The following RTN4IP1 variants were observed in gnomAD, a reference collection of about 807,000 sequenced individuals.
RTN4IP1 encodes reticulon 4 interacting protein 1, also known as NAD(P)H oxidoreductase RTN4IP1, mitochondrial.
Under a neutral mutation model 46.6 loss-of-function variants are expected in RTN4IP1, and 32 were observed. The observed-to-expected ratio is 0.69, with a 90% confidence interval of 0.52 to 0.92. RTN4IP1 has a LOEUF of 0.92. Ranked by LOEUF, RTN4IP1 falls within the 40% of genes least tolerant of loss-of-function variation. The pLI is 0.00. For missense variants in RTN4IP1, 424 were observed against 485.8 expected, an observed-to-expected ratio of 0.87 and a Z score of 1.20; for synonymous variants, 167 against 161.8, an observed-to-expected ratio of 1.03 and a Z score of -0.24.
In RTN4IP1 at chr6:106,602,807, T is replaced by C. The variant is rs1273647173; in HGVS notation, c.669+67A>G. 22 of 1,081,682 alleles carry C rather than the reference T, an allele frequency of 2.0e-5. No homozygotes were observed. In the East Asian group the frequency reaches 4.1e-4, roughly 20 times the overall value. The allele number at this position is 1,081,682 out of a possible 1,614,324, so 67.0% of individuals were successfully genotyped here. ...TCTCTCAGCTTTTAAGGAGAAATAA[T>C]GTATCTTAATTTATAAATTCATGCA... On this transcript the variant is annotated intron_variant, in intron 5 of 8. Transcript: ENST00000369063.
chr6:106,591,571 C>A (rs566726040), intron 6 of RTN4IP1, among the ~76,000 whole-genome samples: 4 of 152,146 alleles, frequency 2.6e-5, no homozygotes, highest in Non-Finnish European at 4.4e-5. Context: ...CTGCTCTCAG[C>A]TTCAGCTTGG....
intron 8 of RTN4IP1, 38 bp from the exon 9 acceptor site, chr6:106,572,141 C>G: frequency 2.0e-6 from 3 of 1,494,068 alleles, no homozygotes; most frequent in Non-Finnish European, 1.9e-6. Flanking sequence ...GATAAAAAAG[C>G]CTACATCTTT....
At chr6:106,606,432 T>G (rs900074013) in intron 4 of RTN4IP1, among the ~76,000 whole-genome samples, 3 of 152,010 alleles carry the variant, frequency 2.0e-5, no homozygotes, top group African/African-American at 7.2e-5. Flanking sequence ...AAAAGAAATT[T>G]TTTTAAATAA....
intron 6 of RTN4IP1, among the ~76,000 whole-genome samples, chr6:106,590,468 G>A (rs79342995): frequency 0.033 from 5,028 of 152,050 alleles, 274 homozygotes; most frequent in East Asian, 0.2. Context: ...TGTAATCCCA[G>A]CACTTTGCAA....
At position 106,599,836 on chromosome 6, in the gene RTN4IP1, C is replaced by T. The variant is rs1446362799; in HGVS notation, c.669+3038G>A. Among the ~76,000 whole-genome samples, 443 of 117,150 alleles carry T rather than the reference C, an allele frequency of 3.8e-3. 5 individuals carry two copies. The highest frequency in any genetic ancestry group is 0.012 in the African/African-American group (426 of 35,978). 76.9% of individuals were successfully genotyped at this position (117,150 alleles called of 152,430 possible). A position where few individuals can be genotyped will look rare whatever the true frequency, so the allele number is the denominator to read the frequency against. ...CTAAAATAGGAATTCTTGTGCTGTC[C>T]TTTTTTTTTTTTTTAGAAATTTTAC... On this transcript the variant is annotated intron_variant, in intron 5 of 8. Coordinates refer to ENST00000369063, the MANE Select transcript of RTN4IP1 (RefSeq NM_032730.5).
chr6:106,583,548 T>G, intron 7 of RTN4IP1, 128 bp from the exon 8 acceptor site: 1 of 692,260 alleles, frequency 1.4e-6, no homozygotes. Flanking sequence ...TGACAAAATG[T>G]GTGCACAGCA....
At chr6:106,586,102 G>A (rs767466934) in intron 7 of RTN4IP1, among the ~76,000 whole-genome samples, 13 of 152,116 alleles carry the variant, frequency 8.5e-5, no homozygotes, top group South Asian at 2.1e-4. Context: ...GAATTGAGTC[G>A]TGGTCTCCTC....
At chr6:106,588,371 C>T (rs1229227943) in intron 6 of RTN4IP1, among the ~76,000 whole-genome samples, 4 of 152,206 alleles carry the variant, frequency 2.6e-5, no homozygotes, top group East Asian at 1.9e-4. Context: ...TTTTCACCTA[C>T]AAGAATGATT....
intron 5 of RTN4IP1, among the ~76,000 whole-genome samples, chr6:106,602,480 T>A (rs551465117): frequency 6.6e-6 from 1 of 152,304 alleles, no homozygotes; most frequent in Non-Finnish European, 1.5e-5. Flanking sequence ...CATTGGCTGT[T>A]TCCTATTAAA....
At position 106,597,691 on chromosome 6, in the gene RTN4IP1, C is replaced by T. The variant is rs1285813516; in HGVS notation, c.669+5183G>A. 1.6e-3 allele frequency among the ~76,000 whole-genome samples: 219 copies of T among 136,090 alleles called. 1 individual carries two copies. The highest frequency in any genetic ancestry group is 5.4e-3 in the African/African-American group (202 of 37,260). The allele number at this position is 136,090 out of a possible 152,430, so 89.3% of individuals were successfully genotyped here. A position where few individuals can be genotyped will look rare whatever the true frequency, so the allele number is the denominator to read the frequency against. On this transcript the variant is annotated intron_variant, in intron 5 of 8. Coordinates refer to ENST00000369063, the MANE Select transcript of RTN4IP1 (RefSeq NM_032730.5). ...TTGAATTTTTTTCTGCATTTTGTTT[C>T]TTTTTTTTTTTTTTTAATTATACTT...
At chr6:106,586,251 T>C (rs1277084119) in intron 7 of RTN4IP1, among the ~76,000 whole-genome samples, 1 of 152,192 alleles carries the variant, frequency 6.6e-6, no homozygotes, top group East Asian at 1.9e-4. Flanking sequence ...ATCAAGCCAG[T>C]CATCTCACAA....
intron 4 of RTN4IP1, among the ~76,000 whole-genome samples, chr6:106,605,873 C>A (rs1417203092): frequency 6.7e-6 from 1 of 149,260 alleles, no homozygotes; most frequent in Non-Finnish European, 1.5e-5. Flanking sequence ...CACTACTGCG[C>A]TCACCCAGGA....
chr6:106,589,836 G>A (rs1434486857), intron 6 of RTN4IP1, among the ~76,000 whole-genome samples: 1 of 152,180 alleles, frequency 6.6e-6, no homozygotes, highest in Non-Finnish European at 1.5e-5. Flanking sequence ...AGTAGTAACG[G>A]CATGCATTTA....
At chr6:106,575,402 G>A (rs969115726) in intron 8 of RTN4IP1, among the ~76,000 whole-genome samples, 2 of 152,188 alleles carry the variant, frequency 1.3e-5, no homozygotes, top group African/African-American at 4.8e-5. Flanking sequence ...TTTGGCACCC[G>A]CTGCCTGACA....
chr6:106,573,673 C>T (rs769262369), intron 8 of RTN4IP1, among the ~76,000 whole-genome samples: 1 of 152,144 alleles, frequency 6.6e-6, no homozygotes, highest in African/African-American at 2.4e-5. Flanking sequence ...AATAAGTTGC[C>T]CTATGTCACA....
intron 4 of RTN4IP1, among the ~76,000 whole-genome samples, chr6:106,605,249 C>T (rs1250985378): frequency 1.3e-5 from 2 of 151,798 alleles, no homozygotes; most frequent in Admixed American, 6.6e-5. Context: ...TCCTGGCCAA[C>T]ATAGTGAAAC....
intron 2 of RTN4IP1, 98 bp downstream of exon 2, chr6:106,622,720 C>T: frequency 7.6e-7 from 1 of 1,307,314 alleles, no homozygotes. Flanking sequence ...GCTGCACTGA[C>T]AGGCAAAGTA....
At position 106,595,327 on chromosome 6, in the gene RTN4IP1, A is replaced by T. The variant is rs377385651; in HGVS notation, c.670-3027T>A. Among the ~76,000 whole-genome samples the T allele has an allele frequency of 1.3e-3, 201 of 152,140 alleles. 1 individual carries two copies. The Middle Eastern group carries it at 0.017, about 13-fold the overall frequency. On this transcript the variant is annotated intron_variant, in intron 5 of 8. Coordinates refer to ENST00000369063, the MANE Select transcript of RTN4IP1 (RefSeq NM_032730.5). Reference sequence around the variant, plus strand: ...GATTCCATTTCAATCCCTTTAGCAAAACTATGGACAGTGTCTGGCAAAACT... The same window carrying T: ...GATTCCATTTCAATCCCTTTAGCAATACTATGGACAGTGTCTGGCAAAACT...
chr6:106,590,291 G>A (rs1775619353), intron 6 of RTN4IP1, among the ~76,000 whole-genome samples: 1 of 152,030 alleles, frequency 6.6e-6, no homozygotes, highest in African/African-American at 2.4e-5. Flanking sequence ...CTCCAGCCTG[G>A]GCAACAGAGT....
Sources: gnomAD v4.1 joint callset for allele counts (sites outside exome capture counted in the v4.1 genomes callset) on GRCh38, gnomAD v4.1.1 for gene constraint, MANE v1.5 for transcripts, NCBI Gene and HGNC (gene_info 2026-07-23, HGNC 2026-07-21) for gene names.